Variants in URB1 observed in about 807,000 individuals in gnomAD.
URB1 encodes URB1 ribosome biogenesis factor, also known as nucleolar pre-ribosomal-associated protein 1.
URB1 carries 197 observed loss-of-function variants against 242.3 expected under a neutral mutation model. That is an observed-to-expected ratio of 0.81 (90% CI 0.72 to 0.91). The LOEUF is 0.91. URB1 is among the 40% of genes least tolerant of loss of function. The pLI, the probability that URB1 is intolerant of heterozygous loss-of-function variation, is 0.00. For synonymous variants in URB1, 1,153 were observed against 1,201.8 expected (o/e 0.96, Z 0.84); for missense variants, 2,721 against 2,860.5 (o/e 0.95, Z 1.11).
chr21:32,377,103 TTAA>T (rs1203334411), intron 5 of URB1: 2 of 495,392 alleles, frequency 4.0e-6, no homozygotes, highest in Non-Finnish European at 7.9e-6. Context: ...ACTCACATCT[TTAA>T]TTATTTCACT....
chr21:32,327,588 A>G (rs374675646), intron 30 of URB1, among the ~76,000 whole-genome samples: 8 of 152,348 alleles, frequency 5.3e-5, no homozygotes, highest in African/African-American at 1.9e-4. Context: ...AGATCTACAC[A>G]AAGGAATGGT....
At chr21:32,322,406 T>C in intron 33 of URB1, 72 bp downstream of exon 33, 2 of 1,353,396 alleles carry the variant, frequency 1.5e-6, no homozygotes, top group Non-Finnish European at 2.1e-6. Context: ...TGGGGAAATG[T>C]CAGAATGACA....
chr21:32,335,730 GGA>G (rs1342487853), intron 28 of URB1: 1 of 152,576 alleles, frequency 6.6e-6, no homozygotes, highest in Non-Finnish European at 1.5e-5. Context: ...CAGACCGGCG[GGA>G]GAGCCGCCAC....
At chr21:32,378,640 T>C in intron 4 of URB1, 99 bp from the exon 5 acceptor site, 1 of 932,084 alleles carries the variant, frequency 1.1e-6, no homozygotes. Flanking sequence ...CGTCTCAACA[T>C]CACCAGCCCC....
At chr21:32,344,999 T>C (rs1385668716) in intron 23 of URB1, among the ~76,000 whole-genome samples, 2 of 152,192 alleles carry the variant, frequency 1.3e-5, no homozygotes, top group Non-Finnish European at 2.9e-5. Flanking sequence ...GTCCAGACTT[T>C]TTCTAAATCA....
Position 32,321,520 on chromosome 21 carries a change from G to T in URB1, c.5484+281C>A, listed in dbSNP as rs145170800. Among the ~76,000 whole-genome samples, 350 of 152,280 alleles carry T rather than the reference G, an allele frequency of 2.3e-3. 1 individual carries two copies. The highest frequency in any genetic ancestry group is 0.021 in the East Asian group (107 of 5,180). ...CCCCCCACTGATGGCCTTCGTATAT[G>T]CCAAGGGCCGTATACACAGTAGGAG... is the stretch of plus-strand genomic sequence containing the variant. On this transcript the variant is annotated intron_variant, in intron 34 of 38. Transcript: ENST00000382751.
chr21:32,327,350 A>C (rs1422291885), intron 30 of URB1, among the ~76,000 whole-genome samples: 1 of 152,162 alleles, frequency 6.6e-6, no homozygotes, highest in Admixed American at 6.5e-5. Flanking sequence ...AAGAAAAAAA[A>C]CTGTCAACCT....
chr21:32,338,930 C>T lies in URB1; in HGVS notation c.4317-30G>A, dbSNP rs908470992. On this transcript the variant is annotated intron_variant, in intron 25 of 38. Transcript: ENST00000382751. Reference sequence around the variant, plus strand: ...GCGGCGAGAGTCAAAGGGAAAAGAGCTTTGCTAAAAGGAAAATTTATTTTA... The same window carrying T: ...GCGGCGAGAGTCAAAGGGAAAAGAGTTTTGCTAAAAGGAAAATTTATTTTA... The T allele has an allele frequency of 2.0e-6, 3 of 1,491,988 alleles. No homozygotes were observed. The African/African-American group carries it at 4.3e-5, about 21-fold the overall frequency. 92.4% of individuals were successfully genotyped at this position (1,491,988 alleles called of 1,614,324 possible). A position where few individuals can be genotyped will look rare whatever the true frequency, so the allele number is the denominator to read the frequency against.
chr21:32,356,264 C>T (rs1006427085), intron 15 of URB1, among the ~76,000 whole-genome samples: 21 of 152,088 alleles, frequency 1.4e-4, no homozygotes, highest in African/African-American at 5.1e-4. Flanking sequence ...GTGGTGCGCA[C>T]ACATGTGGCC....
chr21:32,391,850 A>T (rs910321158), intron 1 of URB1, among the ~76,000 whole-genome samples: 3 of 114,902 alleles, frequency 2.6e-5, no homozygotes, highest in Non-Finnish European at 4.7e-5. Flanking sequence ...CCATCTCTAC[A>T]AAAAGTAAAA....
chr21:32,359,476 T>C (rs2033260374), intron 14 of URB1, among the ~76,000 whole-genome samples: 2 of 152,262 alleles, frequency 1.3e-5, no homozygotes, highest in African/African-American at 4.8e-5. Flanking sequence ...AAAAGGAATG[T>C]ATTTTATTTT....
intron 5 of URB1, among the ~76,000 whole-genome samples, chr21:32,376,889 C>T (rs1199201641): frequency 2.6e-5 from 4 of 151,936 alleles, no homozygotes; most frequent in South Asian, 2.1e-4. Flanking sequence ...CAAGAACTCC[C>T]GGGCTCAAGC....
chr21:32,375,534 G>A, intron 5 of URB1, 51 bp from the exon 6 acceptor site: 4 of 1,101,586 alleles, frequency 3.6e-6, no homozygotes, highest in Non-Finnish European at 5.2e-6. Flanking sequence ...TTGAAAATGA[G>A]AATAGACGAG....
At chr21:32,389,937 C>T (rs1382973313) in intron 1 of URB1, among the ~76,000 whole-genome samples, 1 of 152,222 alleles carries the variant, frequency 6.6e-6, no homozygotes, top group African/African-American at 2.4e-5. Flanking sequence ...ATCATCAGAA[C>T]CCTTCCCTCA....
chr21:32,326,013 T>C (rs573595079), intron 30 of URB1, among the ~76,000 whole-genome samples: 1 of 152,208 alleles, frequency 6.6e-6, no homozygotes, highest in East Asian at 1.9e-4. Flanking sequence ...CATTTGCCAT[T>C]TGTGAGGCCG....
rs551769577 is a variant in URB1, at chr21:32,385,779, T to C, written c.143-95A>G. On this transcript the variant is annotated intron_variant, in intron 1 of 38. Coordinates refer to ENST00000382751, the MANE Select transcript of URB1 (RefSeq NM_014825.3). ...AACCTGCTTTCCCTATTCTGTGACC[T>C]TCCCCGATCCACCTACACTGCACAG... 110 of 1,456,950 alleles carry C rather than the reference T, an allele frequency of 7.6e-5. 1 individual carries two copies. In the African/African-American group the frequency reaches 1.3e-3, roughly 17 times the overall value. The allele number at this position is 1,456,950 out of a possible 1,614,324, so 90.3% of individuals were successfully genotyped here.
chr21:32,357,588 CACAA>C lies in URB1; in HGVS notation c.1934_1937del (p.Phe645Ter). The C allele has an allele frequency of 6.5e-7, 1 of 1,536,720 alleles. No homozygotes were observed. The highest frequency in any genetic ancestry group is 8.8e-7 in the Non-Finnish European group (1 of 1,142,578). On this transcript the variant is annotated frameshift_variant, in exon 15 of 39. Coordinates refer to ENST00000382751, the MANE Select transcript of URB1 (RefSeq NM_014825.3). LOFTEE classifies it high-confidence loss of function. ...ACTTCAGTTGTAAATGGCTACTGGT[CACAA>C]ACATTTTCATTAGTAAGTAAAATAC...
Position 32,347,643 on chromosome 21 carries a change from G to A in URB1, c.3181C>T (p.Pro1061Ser). 1 of 1,551,660 alleles carries A rather than the reference G, an allele frequency of 6.4e-7. No homozygotes were observed. Among genetic ancestry groups the A allele is most frequent in the Non-Finnish European group, 8.7e-7 (1 of 1,146,990 alleles). Residue 1061 changes from proline (P) to serine (S), a missense_variant, in exon 22 of 39, where the codon CCG becomes TCG. Coordinates refer to ENST00000382751, the MANE Select transcript of URB1 (RefSeq NM_014825.3). Reference protein sequence around the residue: ...GVLQLLAASAPILQNIGQLGL... With the variant: ...GVLQLLAASASILQNIGQLGL... Reference sequence around the variant, plus strand: ...AGCTGCCCAATGTTCTGGAGGATCGGGGCACTTGCTGCCAGCAGCTGAAGG... The same window carrying A: ...AGCTGCCCAATGTTCTGGAGGATCGAGGCACTTGCTGCCAGCAGCTGAAGG...
chr21:32,386,848 T>C (rs2033588682), intron 1 of URB1, among the ~76,000 whole-genome samples: 1 of 152,100 alleles, frequency 6.6e-6, no homozygotes, highest in Non-Finnish European at 1.5e-5. Flanking sequence ...GGTACACAGC[T>C]TAGGAGAGGT....
Sources: allele counts gnomAD v4.1 joint callset (sites outside exome capture counted in the v4.1 genomes callset), GRCh38; gene constraint gnomAD v4.1.1; transcripts MANE v1.5; gene names NCBI Gene and HGNC (gene_info 2026-07-23, HGNC 2026-07-21).